The following ADGRF5 variants were observed in gnomAD, a reference collection of about 807,000 sequenced individuals.
The protein encoded by ADGRF5 is G-protein coupled receptor 116.
A neutral mutation model predicts 132.3 loss-of-function variants in ADGRF5; 75 were observed. The observed-to-expected ratio is 0.57, with a 90% confidence interval of 0.47 to 0.69. ADGRF5 has a LOEUF of 0.69. ADGRF5 is among the 30% of genes least tolerant of loss of function. The pLI, the probability that ADGRF5 is intolerant of heterozygous loss-of-function variation, is 0.00. For missense variants in ADGRF5, 1,516 were observed against 1,630.6 expected (o/e 0.93, Z 1.21); for synonymous variants, 629 against 597.6 (o/e 1.05, Z -0.77).
intron 4 of ADGRF5, among the ~76,000 whole-genome samples, chr6:46,884,479 CTG>C (rs781768685): frequency 1.3e-5 from 2 of 152,206 alleles, no homozygotes; most frequent in Non-Finnish European, 2.9e-5. Context: ...AAGATGACTG[CTG>C]TGACGGTTGA....
chr6:46,861,622 T>G (rs1020597973), intron 15 of ADGRF5, among the ~76,000 whole-genome samples: 1 of 152,236 alleles, frequency 6.6e-6, no homozygotes, highest in Non-Finnish European at 1.5e-5. Context: ...ATTGCTCCAA[T>G]TAAATTATAA....
Position 46,856,899 on chromosome 6 carries a change from T to A in ADGRF5, c.3784A>T (p.Ile1262Phe). Residue 1262 changes from isoleucine to phenylalanine, a missense_variant, in exon 18 of 21, where the codon ATT becomes TTT. Around this residue, in one of 2 missense-constraint regions of ADGRF5, gnomAD observed 571 missense variants for 701.2 expected, o/e 0.81. Coordinates refer to ENST00000283296, the MANE Select transcript of ADGRF5 (RefSeq NM_001098518.2). ...TCCCAGAGGCATCCAAAGAGTAAAA[T>A]GAATAATCCCTGAGAAAAAAAAGAT... Reference protein sequence around the residue: ...AILNVFQGLFILLFGCLWDLK... With the variant: ...AILNVFQGLFFLLFGCLWDLK... 1 of 1,606,854 alleles carries A rather than the reference T, an allele frequency of 6.2e-7. No homozygotes were observed. The highest frequency in any genetic ancestry group is 8.5e-7 in the Non-Finnish European group (1 of 1,175,296).
chr6:46,868,624 G>A (rs542788993), intron 12 of ADGRF5, among the ~76,000 whole-genome samples: 2 of 152,266 alleles, frequency 1.3e-5, no homozygotes, highest in East Asian at 3.9e-4. Context: ...AATGGCAAGG[G>A]TACAGGGTCT....
chr6:46,903,798 C>T (rs1436514612), intron 2 of ADGRF5, among the ~76,000 whole-genome samples: 2 of 152,110 alleles, frequency 1.3e-5, no homozygotes, highest in African/African-American at 4.8e-5. Flanking sequence ...ATTACTTTTG[C>T]ACCAACCTAA....
At position 46,866,989 on chromosome 6, in the gene ADGRF5, G is replaced by A; in HGVS notation, c.1770C>T (p.Cys590=). The A allele has an allele frequency of 6.2e-7, 1 of 1,613,860 alleles. No homozygotes were observed. The change falls in exon 13 of 21, where the codon TGC becomes TGT. Residue 590 remains cysteine, a synonymous_variant. Transcript: ENST00000283296. ...VSCSGSHHIK[C]CIEEDGDYKV... ...TGTAGTCTCCATCCTCCTCTATGCA[G>A]CACTTGATGTGATGGGAACCACTGC...
At chr6:46,907,256 A>ACAT (rs1019445936) in intron 1 of ADGRF5, among the ~76,000 whole-genome samples, 5 of 152,356 alleles carry the variant, frequency 3.3e-5, no homozygotes, top group African/African-American at 1.2e-4. Context: ...GGACTTGGTT[A>ACAT]TAAAAAATGT....
chr6:46,853,934 C>A lies in ADGRF5; in HGVS notation c.*58G>T. On this transcript the variant is annotated 3_prime_UTR_variant, in exon 21 of 21. Coordinates refer to ENST00000283296, the MANE Select transcript of ADGRF5 (RefSeq NM_001098518.2). ...GTTCCCCATTGCTTTGCAAGCATCTCTTTTTAAAAGCACAGCCACTGTCCC... is the reference window on the plus strand; with the variant it reads ...GTTCCCCATTGCTTTGCAAGCATCTATTTTTAAAAGCACAGCCACTGTCCC... 1.6e-6 allele frequency: 2 copies of A among 1,231,608 alleles called. No individual in the cohort carries two copies. Among genetic ancestry groups the A allele is most frequent in the Non-Finnish European group, 1.2e-6 (1 of 859,472 alleles). The allele number at this position is 1,231,608 out of a possible 1,614,324, so 76.3% of individuals were successfully genotyped here. A position where few individuals can be genotyped will look rare whatever the true frequency, so the allele number is the denominator to read the frequency against.
intron 5 of ADGRF5, 26 bp downstream of exon 5, chr6:46,884,069 C>T (rs368571767): frequency 6.6e-5 from 105 of 1,593,602 alleles, no homozygotes; most frequent in Middle Eastern, 1.7e-4. Context: ...AGCCACTCAA[C>T]GAGCATTTAA....
At position 46,858,219 on chromosome 6, in the gene ADGRF5, C is replaced by T; in HGVS notation, c.3684G>A (p.Leu1228=). Residue 1228 remains leucine, a synonymous_variant, in exon 17 of 21, where the codon TTG becomes TTA. Transcript: ENST00000283296. ...SKSIGVLTPL[L]GLTWGFGLTT... ...TGAGACCAAAACCCCAAGTGAGGCC[C>T]AAGAGTGGTGTGAGGACCCCAATGC... 1.9e-6 allele frequency: 3 copies of T among 1,614,122 alleles called. No individual in the cohort carries two copies. Among genetic ancestry groups the T allele is most frequent in the Non-Finnish European group, 2.5e-6 (3 of 1,179,998 alleles).
chr6:46,882,236 T>A, intron 6 of ADGRF5, 129 bp from the exon 7 acceptor site: 1 of 749,194 alleles, frequency 1.3e-6, no homozygotes, highest in Non-Finnish European at 2.4e-6. Flanking sequence ...TCTATTTTGT[T>A]AACTGTGGGC....
chr6:46,889,287 A>G (rs184347750), intron 3 of ADGRF5, among the ~76,000 whole-genome samples: 158 of 145,544 alleles, frequency 1.1e-3, no homozygotes, highest in African/African-American at 3.7e-3. Context: ...ACTATATAGT[A>G]TATATAGTAC....
At chr6:46,919,401 G>A (rs571822795) in intron 1 of ADGRF5, among the ~76,000 whole-genome samples, 1 of 152,330 alleles carries the variant, frequency 6.6e-6, no homozygotes, top group Admixed American at 6.5e-5. Flanking sequence ...CATGGTGAAA[G>A]AAGAGGCATA....
intron 2 of ADGRF5, among the ~76,000 whole-genome samples, chr6:46,905,676 A>C (rs1016518427): frequency 2.0e-5 from 3 of 152,212 alleles, no homozygotes; most frequent in African/African-American, 7.2e-5. Context: ...ATTAAATTAA[A>C]ACATACAAAG....
At chr6:46,881,350 G>A (rs1418156461) in intron 8 of ADGRF5, 105 bp downstream of exon 8, 14 of 955,802 alleles carry the variant, frequency 1.5e-5, no homozygotes, top group East Asian at 4.8e-5. Context: ...CCTGTGCCAG[G>A]AACTGGAGTG....
chr6:46,883,793 G>A (rs1772754213), intron 5 of ADGRF5, 128 bp from the exon 6 acceptor site: 1 of 617,314 alleles, frequency 1.6e-6, no homozygotes, highest in Non-Finnish European at 2.8e-6. Context: ...CCAGGCTGGA[G>A]TGCAACGGCA....
In ADGRF5 at chr6:46,889,552, A is replaced by G. The variant is rs184312344; in HGVS notation, c.158-1047T>C. ...ATGTTTATATAGACACTATATATAT[A>G]TGTGTGTGTGTGTGTGTATATATAT... On this transcript the variant is annotated intron_variant, in intron 3 of 20. Transcript: ENST00000283296. Among the ~76,000 whole-genome samples, 231 of 124,238 alleles carry G rather than the reference A, an allele frequency of 1.9e-3. 1 individual carries two copies. Among genetic ancestry groups the G allele is most frequent in the African/African-American group, 6.6e-3 (212 of 32,076 alleles). The allele number at this position is 124,238 out of a possible 152,430, so 81.5% of individuals were successfully genotyped here. A position where few individuals can be genotyped will look rare whatever the true frequency, so the allele number is the denominator to read the frequency against.
chr6:46,875,176 G>C (rs530174436), intron 10 of ADGRF5, among the ~76,000 whole-genome samples: 32 of 152,296 alleles, frequency 2.1e-4, no homozygotes, highest in Non-Finnish European at 4.1e-4. Flanking sequence ...CAGAGAAAGA[G>C]TGGAGAAAAG....
At chr6:46,885,102 G>A (rs1407219807) in intron 4 of ADGRF5, among the ~76,000 whole-genome samples, 1 of 151,562 alleles carries the variant, frequency 6.6e-6, no homozygotes, top group Admixed American at 6.6e-5. Context: ...GCTGAGGTGG[G>A]AGGATTGCTT....
chr6:46,882,847 T>C (rs1350811820), intron 6 of ADGRF5, among the ~76,000 whole-genome samples: 2 of 152,164 alleles, frequency 1.3e-5, no homozygotes, highest in Non-Finnish European at 2.9e-5. Flanking sequence ...GGTTACATGC[T>C]GAGATGAGCA....
Sources: allele counts gnomAD v4.1 joint callset (sites outside exome capture counted in the v4.1 genomes callset), GRCh38; gene constraint gnomAD v4.1.1; regional missense constraint gnomAD v4.1.1; transcripts MANE v1.5; gene names NCBI Gene and HGNC (gene_info 2026-07-23, HGNC 2026-07-21).